EDARADD: variants seen among roughly 807,000 people sequenced by gnomAD.
The protein encoded by EDARADD is EDAR associated via death domain.
In EDARADD, 20 loss-of-function variants were observed where a neutral mutation model predicts 25.6. That is an observed-to-expected ratio of 0.78 (90% CI 0.55 to 1.14). The LOEUF (loss-of-function observed/expected upper bound fraction) is 1.14, where lower values mean the gene tolerates loss of function less well. Ranked by LOEUF, EDARADD falls within the 50% of genes most tolerant of loss-of-function variation. The pLI is 0.00. For missense variants in EDARADD, 225 were observed against 270.1 expected (o/e 0.83, Z 1.17); for synonymous variants, 86 against 94.4 (o/e 0.91, Z 0.52).
chr1:236,406,462 A>G lies in EDARADD; in HGVS notation c.62-2754A>G, dbSNP rs116817247. On this transcript the variant is annotated intron_variant, in intron 1 of 5. Transcript: ENST00000334232. ...TACACAAACCTAGATGGTGTAACCT[A>G]CAACACTCCTGGGCTGTTTGGTACA... 7.6e-3 allele frequency among the ~76,000 whole-genome samples: 1,158 copies of G among 152,332 alleles called. 12 individuals carry two copies. The highest frequency in any genetic ancestry group is 0.026 in the African/African-American group (1,101 of 41,562).
intron 4 of EDARADD, among the ~76,000 whole-genome samples, chr1:236,448,904 CA>C (rs1340734514): frequency 6.6e-6 from 1 of 152,158 alleles, no homozygotes; most frequent in Non-Finnish European, 1.5e-5. Context: ...CTGACATAAC[CA>C]TGTGTGTCTA....
intron 5 of EDARADD, among the ~76,000 whole-genome samples, chr1:236,479,004 T>C (rs1256022441): frequency 6.6e-6 from 1 of 152,078 alleles, no homozygotes; most frequent in Non-Finnish European, 1.5e-5. Flanking sequence ...CGATAGACTT[T>C]GGGGACTCAG....
upstream of EDARADD, among the ~76,000 whole-genome samples, chr1:236,393,652 C>A (rs1227561206): frequency 1.3e-5 from 2 of 152,054 alleles, no homozygotes; most frequent in Non-Finnish European, 2.9e-5. Flanking sequence ...CTGCCTTGGG[C>A]TCCCAAAGTG....
At chr1:236,367,084 C>CAAA (rs753983803) in intron 3 of EDARADD, among the ~76,000 whole-genome samples, 846 of 61,896 alleles carry the variant, frequency 0.014, 26 homozygotes, top group Non-Finnish European at 0.018. Flanking sequence ...ACTCCATCGC[C>CAAA]AAAAAAAAAA....
chr1:236,352,291 T>G (rs1032648500), intron 3 of EDARADD, among the ~76,000 whole-genome samples: 2 of 152,238 alleles, frequency 1.3e-5, no homozygotes, highest in African/African-American at 4.8e-5. Flanking sequence ...TCTTGGAAGA[T>G]CAGATAAACA....
intron 4 of EDARADD, among the ~76,000 whole-genome samples, chr1:236,430,280 A>G (rs1226175158): frequency 6.6e-6 from 1 of 152,248 alleles, no homozygotes. Context: ...AAACTAGTTT[A>G]GTAAACTGAA....
intron 4 of EDARADD, among the ~76,000 whole-genome samples, chr1:236,441,140 A>ATTTGTTTG (rs1658386103): frequency 6.6e-6 from 1 of 151,794 alleles, no homozygotes; most frequent in African/African-American, 2.4e-5. Flanking sequence ...GAAAGCCATT[A>ATTTGTTTG]TTCTTATCTT....
At chr1:236,460,034 T>C (rs555890873) in intron 4 of EDARADD, among the ~76,000 whole-genome samples, 3 of 152,338 alleles carry the variant, frequency 2.0e-5, no homozygotes, top group African/African-American at 7.2e-5. Flanking sequence ...TCAATATTTA[T>C]GCATATGTCT....
At chr1:236,366,410 G>T (rs1667112569) in intron 3 of EDARADD, among the ~76,000 whole-genome samples, 1 of 152,142 alleles carries the variant, frequency 6.6e-6, no homozygotes. Context: ...GCCTGGTGGG[G>T]ACAGGCACTG....
At chr1:236,449,415 G>C (rs1026015769) in intron 4 of EDARADD, among the ~76,000 whole-genome samples, 1 of 152,184 alleles carries the variant, frequency 6.6e-6, no homozygotes, top group Non-Finnish European at 1.5e-5. Flanking sequence ...CTGATACTTA[G>C]TAGACGTTTA....
upstream of EDARADD, among the ~76,000 whole-genome samples, chr1:236,392,930 A>C (rs1416156298): frequency 6.6e-6 from 1 of 152,182 alleles, no homozygotes; most frequent in African/African-American, 2.4e-5. Context: ...TTGGCCTCCC[A>C]AAGTGCTGGG....
At chr1:236,432,937 A>AAAGAAAG (rs1553267671) in intron 4 of EDARADD, among the ~76,000 whole-genome samples, 1 of 151,326 alleles carries the variant, frequency 6.6e-6, no homozygotes, top group South Asian at 2.1e-4. Flanking sequence ...CAAAAAAAAA[A>AAAGAAAG]AAAGAAAGAA....
At chr1:236,371,365 A>G (rs1027175230) in intron 3 of EDARADD, among the ~76,000 whole-genome samples, 1 of 152,160 alleles carries the variant, frequency 6.6e-6, no homozygotes, top group African/African-American at 2.4e-5. Context: ...ATAGACCATC[A>G]TGTTATCTGC....
chr1:236,372,440 T>G (rs1572113501), intron 3 of EDARADD, among the ~76,000 whole-genome samples: 3 of 152,204 alleles, frequency 2.0e-5, no homozygotes. Flanking sequence ...TGGTGTATAA[T>G]TCTTTATATA....
At chr1:236,382,623 G>A (rs1667314396) in intron 3 of EDARADD, among the ~76,000 whole-genome samples, 1 of 152,168 alleles carries the variant, frequency 6.6e-6, no homozygotes, top group African/African-American at 2.4e-5. Flanking sequence ...TAAGTTGGTT[G>A]GAAAGAATTT....
At chr1:236,414,236 C>G (rs1400893738) in intron 2 of EDARADD, 24 bp from the exon 3 acceptor site, 5 of 1,597,406 alleles carry the variant, frequency 3.1e-6, no homozygotes, top group Non-Finnish European at 4.3e-6. Flanking sequence ...AAAAATAATT[C>G]TCCTCTTTTG....
intron 1 of EDARADD, among the ~76,000 whole-genome samples, chr1:236,401,604 T>TGAA (rs1033100733): frequency 1.3e-5 from 2 of 152,160 alleles, no homozygotes; most frequent in African/African-American, 4.8e-5. Flanking sequence ...GTCTTTGAGT[T>TGAA]GAAGAAGAGT....
chr1:236,435,290 C>T (rs995030894), intron 4 of EDARADD, among the ~76,000 whole-genome samples: 6 of 152,216 alleles, frequency 3.9e-5, no homozygotes, highest in African/African-American at 9.7e-5. Flanking sequence ...CTCAAGGCAA[C>T]GATTCTTTCC....
intron 3 of EDARADD, among the ~76,000 whole-genome samples, chr1:236,416,243 C>A (rs1251842914): frequency 1.3e-5 from 2 of 152,122 alleles, no homozygotes; most frequent in African/African-American, 4.8e-5. Context: ...TGAAATAAAT[C>A]GAGAATGGTG....
Sources: allele counts gnomAD v4.1 joint callset (sites outside exome capture counted in the v4.1 genomes callset), GRCh38; gene constraint gnomAD v4.1.1; transcripts MANE v1.5; gene names NCBI Gene and HGNC (gene_info 2026-07-23, HGNC 2026-07-21).